BMPER: variants seen among roughly 807,000 people sequenced by gnomAD.
BMPER encodes BMP-binding endothelial regulator protein.
Under a neutral mutation model 87.3 loss-of-function variants are expected in BMPER, and 45 were observed. The observed-to-expected ratio is 0.52, with a 90% CI of 0.41 to 0.66. The LOEUF (loss-of-function observed/expected upper bound fraction) is 0.66, where lower values mean the gene tolerates loss of function less well. Among genes scored for constraint, BMPER ranks in the 30% least tolerant of loss-of-function variants. BMPER has a pLI of 0.00. For synonymous variants in BMPER, 326 were observed against 316.2 expected (o/e 1.03, Z -0.33); for missense variants, 784 against 867.5 (o/e 0.90, Z 1.21).
intron 6 of BMPER, among the ~76,000 whole-genome samples, chr7:34,000,812 T>A (rs1230209338): frequency 6.6e-6 from 1 of 152,122 alleles, no homozygotes; most frequent in Non-Finnish European, 1.5e-5. Context: ...TTAAGTATGA[T>A]GCTAGTTGTG....
At chr7:33,910,324 G>A (rs1783927463) in intron 2 of BMPER, among the ~76,000 whole-genome samples, 4 of 152,162 alleles carry the variant, frequency 2.6e-5, no homozygotes, top group African/African-American at 7.2e-5. Flanking sequence ...AGGAAAACAC[G>A]TTGGTGCCTG....
At chr7:33,928,970 C>G (rs1562635943) in intron 2 of BMPER, among the ~76,000 whole-genome samples, 1 of 152,184 alleles carries the variant, frequency 6.6e-6, no homozygotes, top group African/African-American at 2.4e-5. Flanking sequence ...ACCCCCCTGC[C>G]TTTTTCTTTA....
intron 8 of BMPER, among the ~76,000 whole-genome samples, chr7:34,052,558 A>C (rs1788174635): frequency 6.6e-6 from 1 of 152,248 alleles, no homozygotes; most frequent in Non-Finnish European, 1.5e-5. Context: ...TTATGCAGTA[A>C]TTTATTTTGG....
intron 2 of BMPER, chr7:33,921,788 C>T (rs1481542062): frequency 1.1e-5 from 5 of 471,034 alleles, no homozygotes; most frequent in Admixed American, 9.4e-5. Flanking sequence ...CATGAGCCAA[C>T]TAGATGGAGC....
At chr7:33,982,334 T>C (rs950452732) in intron 6 of BMPER, among the ~76,000 whole-genome samples, 1 of 152,106 alleles carries the variant, frequency 6.6e-6, no homozygotes, top group Non-Finnish European at 1.5e-5. Context: ...AATTGGAGAA[T>C]TGAGCAATTA....
At chr7:33,905,829 T>TGG in intron 1 of BMPER, 83 bp downstream of exon 1, 2 of 368,072 alleles carry the variant, frequency 5.4e-6, no homozygotes, top group Non-Finnish European at 1.1e-5. Context: ...GCCCCGGGGA[T>TGG]GGGAGGGTGG....
chr7:34,146,026 C>T (rs939342280), intron 14 of BMPER, among the ~76,000 whole-genome samples: 3 of 151,968 alleles, frequency 2.0e-5, no homozygotes, highest in Non-Finnish European at 1.5e-5. Context: ...CACACATTCT[C>T]TCTCTCTCAC....
intron 6 of BMPER, among the ~76,000 whole-genome samples, chr7:34,008,606 T>A (rs1786796219): frequency 6.6e-6 from 1 of 151,982 alleles, no homozygotes; most frequent in African/African-American, 2.4e-5. Flanking sequence ...CTAACAATAA[T>A]AGTAATTTTT....
intron 14 of BMPER, among the ~76,000 whole-genome samples, chr7:34,148,938 A>G (rs1791099894): frequency 6.6e-6 from 1 of 152,214 alleles, no homozygotes; most frequent in Non-Finnish European, 1.5e-5. Context: ...GAGTTCTGAA[A>G]GCAGCGGAGT....
chr7:33,986,068 T>C (rs142867549), intron 6 of BMPER, among the ~76,000 whole-genome samples: 2 of 152,224 alleles, frequency 1.3e-5, no homozygotes, highest in African/African-American at 4.8e-5. Context: ...ACTCCTTCTT[T>C]TCCATCTCTA....
At chr7:33,961,011 A>G (rs571877739) in intron 3 of BMPER, among the ~76,000 whole-genome samples, 1 of 152,296 alleles carries the variant, frequency 6.6e-6, no homozygotes, top group African/African-American at 2.4e-5. Flanking sequence ...AGGATGAGTG[A>G]GGCAAGGAAG....
At chr7:33,920,614 T>C (rs1433707677) in intron 2 of BMPER, among the ~76,000 whole-genome samples, 1 of 151,794 alleles carries the variant, frequency 6.6e-6, no homozygotes, top group Admixed American at 6.6e-5. Context: ...TTAGTAGAGA[T>C]GGGGTTCCAC....
At chr7:34,107,376 G>A (rs1370605263) in intron 13 of BMPER, among the ~76,000 whole-genome samples, 1 of 152,188 alleles carries the variant, frequency 6.6e-6, no homozygotes, top group Non-Finnish European at 1.5e-5. Context: ...TAACTGAAGA[G>A]CATTCGCAAA....
chr7:33,992,579 A>C (rs908810754), intron 6 of BMPER, among the ~76,000 whole-genome samples: 1 of 148,988 alleles, frequency 6.7e-6, no homozygotes, highest in African/African-American at 2.5e-5. Context: ...CCAATTTGCC[A>C]GTCTGTGTCT....
At chr7:34,131,482 C>T (rs901542252) in intron 13 of BMPER, among the ~76,000 whole-genome samples, 11 of 152,180 alleles carry the variant, frequency 7.2e-5, no homozygotes, top group African/African-American at 1.9e-4. Context: ...GATTAATGCA[C>T]GTAGTGGAGG....
chr7:34,054,241 A>G (rs1788219310), intron 8 of BMPER, among the ~76,000 whole-genome samples: 1 of 152,184 alleles, frequency 6.6e-6, no homozygotes, highest in Non-Finnish European at 1.5e-5. Flanking sequence ...GCTAGGCACC[A>G]CAGTCTAATG....
At chr7:33,955,020 C>A (rs760397546) in intron 3 of BMPER, among the ~76,000 whole-genome samples, 2 of 152,176 alleles carry the variant, frequency 1.3e-5, no homozygotes, top group Non-Finnish European at 2.9e-5. Context: ...GCCTCAGCCT[C>A]CTGAGTAGCT....
chr7:34,090,608 G>C (rs989472296), intron 13 of BMPER, among the ~76,000 whole-genome samples: 1 of 152,184 alleles, frequency 6.6e-6, no homozygotes, highest in Non-Finnish European at 1.5e-5. Context: ...GCCTTTGTGG[G>C]TCAAACTGGG....
intron 3 of BMPER, among the ~76,000 whole-genome samples, chr7:33,939,230 G>A (rs908116755): frequency 2.6e-5 from 4 of 152,052 alleles, no homozygotes; most frequent in East Asian, 3.9e-4. Flanking sequence ...GTAGTGTGTA[G>A]CCTTCTTTCC....
Sources: allele counts gnomAD v4.1 joint callset (sites outside exome capture counted in the v4.1 genomes callset), GRCh38; gene constraint gnomAD v4.1.1; transcripts MANE v1.5; gene names NCBI Gene and HGNC (gene_info 2026-07-23, HGNC 2026-07-21).